The following BRD3 variants were observed in gnomAD, a reference collection of about 807,000 sequenced individuals.
The protein encoded by BRD3 is bromodomain containing 3, also known as bromodomain-containing protein 3.
BRD3 carries 17 observed loss-of-function variants against 66.8 expected under a neutral mutation model. The observed-to-expected ratio is 0.25, with a 90% CI of 0.17 to 0.38. The LOEUF (loss-of-function observed/expected upper bound fraction) is 0.38. BRD3 is among the 10% of genes least tolerant of loss of function. The pLI, the probability that BRD3 is intolerant of heterozygous loss-of-function variation, is 1.00. For synonymous variants in BRD3, 421 were observed against 393.2 expected (o/e 1.07, Z -0.84); for missense variants, 713 against 956.1 (o/e 0.75, Z 3.35).
At position 134,033,611 on chromosome 9, in the gene BRD3, A is replaced by T. The variant is rs1420361764; in HGVS notation, c.2160T>A (p.Ser720=). Reference sequence around the variant, plus strand: ...CAGTTCATTCTGAGTCACTGCTGTCAGAGCTGGACCCGCTGGAGCTGCTGC... The same window carrying T: ...CAGTTCATTCTGAGTCACTGCTGTCTGAGCTGGACCCGCTGGAGCTGCTGC... ...SGSSSSSGSS[S]DSSDSE The change falls in exon 12 of 12, where the codon TCT becomes TCA. Residue 720 remains serine, a synonymous_variant. Coordinates refer to ENST00000303407, the MANE Select transcript of BRD3 (RefSeq NM_007371.4). This position sits in a 1 kb window ranked among gnomAD's most constrained non-coding sequence, Gnocchi z 5.1. The T allele has an allele frequency of 3.9e-6, 3 of 770,094 alleles. No homozygotes were observed. The highest frequency in any genetic ancestry group is 7.3e-6 in the Non-Finnish European group (3 of 412,484). 47.7% of individuals were successfully genotyped at this position (770,094 alleles called of 1,614,324 possible).
chr9:134,041,303 G>C (rs997368941), intron 8 of BRD3, among the ~76,000 whole-genome samples: 1 of 152,236 alleles, frequency 6.6e-6, no homozygotes, highest in Admixed American at 6.5e-5. Flanking sequence ...GAGGAAAGCA[G>C]AGAAGGGGGA....
At chr9:134,042,032 G>A (rs1830060401) in intron 7 of BRD3, 81 bp from the exon 8 acceptor site, 6 of 1,412,238 alleles carry the variant, frequency 4.2e-6, no homozygotes, top group South Asian at 1.5e-5. Flanking sequence ...GGTTTCTGAG[G>A]TGCCCCTGAG....
intron 1 of BRD3, among the ~76,000 whole-genome samples, chr9:134,055,615 G>T (rs983334109): frequency 1.3e-5 from 2 of 152,184 alleles, no homozygotes; most frequent in African/African-American, 4.8e-5. Context: ...ACGCAGCTCC[G>T]CTGAGACTGC....
intron 1 of BRD3, among the ~76,000 whole-genome samples, chr9:134,066,716 C>T (rs1830665904): frequency 6.6e-6 from 1 of 152,238 alleles, no homozygotes; most frequent in Admixed American, 6.5e-5. Flanking sequence ...GCAGTTCCAG[C>T]CCAATTACTC....
chr9:134,052,231 A>G (rs1369833640), intron 3 of BRD3, 75 bp downstream of exon 3: 1 of 1,557,456 alleles, frequency 6.4e-7, no homozygotes, highest in Non-Finnish European at 8.7e-7. Context: ...GCTGCTGCAA[A>G]GCGCCCAGGC....
At chr9:134,046,272 C>G (rs1055661814) in intron 6 of BRD3, among the ~76,000 whole-genome samples, 3 of 152,232 alleles carry the variant, frequency 2.0e-5, no homozygotes, top group African/African-American at 7.2e-5. Context: ...TGGGAACACA[C>G]TAGTTGGGGC....
At position 134,045,300 on chromosome 9, in the gene BRD3, T is replaced by C. The variant is rs1830144298; in HGVS notation, c.1208A>G (p.Lys403Arg). The change falls in exon 7 of 12, where the codon AAG (lysine) becomes AGG (arginine). Residue 403 changes from lysine to arginine, a missense_variant. Transcript: ENST00000303407. This position sits in a 1 kb window ranked among gnomAD's most constrained non-coding sequence, Gnocchi z 4.8. ...TGCCCAGCCTCGGGTTACCTGGAGC[T>C]TCCGGGCCATGGCCACAACCTCGTG... ...PDHEVVAMAR[K>R]LQDVFEMRFA... The C allele has an allele frequency of 6.2e-7, 1 of 1,613,384 alleles. No homozygotes were observed. Among genetic ancestry groups the C allele is most frequent in the Non-Finnish European group, 8.5e-7 (1 of 1,180,002 alleles).
At chr9:134,051,890 T>TGTGTGTGTGTGTGTA (rs1564555926) in intron 3 of BRD3, among the ~76,000 whole-genome samples, 181 bp from the exon 4 acceptor site, 1 of 89,886 alleles carries the variant, frequency 1.1e-5, no homozygotes, top group African/African-American at 6.3e-5. Context: ...GTTTTTTTTG[T>TGTGTGTGTGTGTGTA]TTTTTTTTTT....
intron 1 of BRD3, among the ~76,000 whole-genome samples, chr9:134,059,591 C>T (rs894299396): frequency 6.6e-6 from 1 of 152,270 alleles, no homozygotes; most frequent in African/African-American, 2.4e-5. Flanking sequence ...TGGGGGTAAA[C>T]CCTTGCTCCT....
Position 134,032,215 on chromosome 9 carries a change from T to C in BRD3, c.*1375A>G, listed in dbSNP as rs1472823114. The C allele has an allele frequency of 4.7e-6, 1 of 214,808 alleles. No individual in the cohort carries two copies. The highest frequency in any genetic ancestry group is 9.4e-6 in the Non-Finnish European group (1 of 106,710). The allele number at this position is 214,808 out of a possible 1,614,324, so 13.3% of individuals were successfully genotyped here. A position where few individuals can be genotyped will look rare whatever the true frequency, so the allele number is the denominator to read the frequency against. On this transcript the variant is annotated 3_prime_UTR_variant, in exon 12 of 12. Transcript: ENST00000303407. ...ACCTTCTATTAAACTCTGTATATTA[T>C]TATTTTTTACAATAGAAAGTTAAAA...
At position 134,030,991 on chromosome 9, in the gene BRD3, G is replaced by C. The variant is rs575758705; in HGVS notation, c.*2599C>G. The C allele has an allele frequency of 2.6e-5, 6 of 230,864 alleles. No individual in the cohort carries two copies. Among genetic ancestry groups the C allele is most frequent in the African/African-American group, 1.3e-4 (6 of 45,304 alleles). The allele number at this position is 230,864 out of a possible 1,614,324, so 14.3% of individuals were successfully genotyped here. A position where few individuals can be genotyped will look rare whatever the true frequency, so the allele number is the denominator to read the frequency against. On this transcript the variant is annotated 3_prime_UTR_variant, in exon 12 of 12. Transcript: ENST00000303407. The stretch of plus-strand genomic sequence containing the variant: ...GCCTTCTAATACAGAAGAAACGGAC[G>C]TGACTGTCACCCTCAGCCCGCCAGC...
rs1272309650 is a variant in BRD3, at chr9:134,048,146, C to T, written c.1023G>A (p.Glu341=). Residue 341 remains glutamate (E), a synonymous_variant, in exon 6 of 12, where the codon GAG becomes GAA. Coordinates refer to ENST00000303407, the MANE Select transcript of BRD3 (RefSeq NM_007371.4). The part of the protein sequence containing the change: ...AWPFYKPVDA[E]ALELHDYHDI... ...CGTGGTAGTCGTGCAGCTCCAGGGCCTCGGCATCCACTGGCTTGTAGAAGG... is the reference window on the plus strand; with the variant it reads ...CGTGGTAGTCGTGCAGCTCCAGGGCTTCGGCATCCACTGGCTTGTAGAAGG... The T allele has an allele frequency of 1.2e-6, 2 of 1,608,930 alleles. No individual in the cohort carries two copies. Among genetic ancestry groups the T allele is most frequent in the Non-Finnish European group, 1.7e-6 (2 of 1,178,038 alleles).
At chr9:134,061,274 C>T (rs1471345820) in intron 1 of BRD3, among the ~76,000 whole-genome samples, 1 of 152,260 alleles carries the variant, frequency 6.6e-6, no homozygotes, top group African/African-American at 2.4e-5. Flanking sequence ...ATGGGGGCAT[C>T]TCCAGCCTGG....
Position 134,033,037 on chromosome 9 carries a change from A to C in BRD3, c.*553T>G. The stretch of plus-strand genomic sequence containing the variant: ...CTCCACGCTCCGGGCTGGGGCTGCG[A>C]TGACCCTTCGCTTAGGCCCAGCCTG... On this transcript the variant is annotated 3_prime_UTR_variant, in exon 12 of 12. Coordinates refer to ENST00000303407, the MANE Select transcript of BRD3 (RefSeq NM_007371.4). The surrounding 1 kb of genome is among the most constrained non-coding windows in gnomAD (Gnocchi z 5.1). 5.0e-6 allele frequency: 2 copies of C among 398,110 alleles called. No individual in the cohort carries two copies. Among genetic ancestry groups the C allele is most frequent in the Non-Finnish European group, 8.8e-6 (2 of 226,120 alleles). 24.7% of individuals were successfully genotyped at this position (398,110 alleles called of 1,614,324 possible). A position where few individuals can be genotyped will look rare whatever the true frequency, so the allele number is the denominator to read the frequency against.
upstream of BRD3, chr9:134,068,041 C>G (rs975253769): frequency 1.5e-4 from 22 of 145,114 alleles, no homozygotes; most frequent in South Asian, 4.2e-3. Context: ...GCGCCGGAGC[C>G]GAGCAGGGCT....
At chr9:134,040,742 T>C (rs1398607148) in intron 8 of BRD3, among the ~76,000 whole-genome samples, 5 of 152,166 alleles carry the variant, frequency 3.3e-5, no homozygotes, top group African/African-American at 1.2e-4. Context: ...TCTCTAGAAG[T>C]TTAAATGCCC....
At position 134,031,175 on chromosome 9, in the gene BRD3, G is replaced by A. The variant is rs1588266669; in HGVS notation, c.*2415C>T. 13 of 224,788 alleles carry A rather than the reference G, an allele frequency of 5.8e-5. No individual in the cohort carries two copies. The East Asian group carries it at 8.3e-4, about 14-fold the overall frequency. The allele number at this position is 224,788 out of a possible 1,614,324, so 13.9% of individuals were successfully genotyped here. On this transcript the variant is annotated 3_prime_UTR_variant, in exon 12 of 12. Coordinates refer to ENST00000303407, the MANE Select transcript of BRD3 (RefSeq NM_007371.4). ...AGTGGCTTCTTTCTAGATGAAAGGAGCAGAGGCGAGCCGACGCCACCGTCA... is the reference window on the plus strand; with the variant it reads ...AGTGGCTTCTTTCTAGATGAAAGGAACAGAGGCGAGCCGACGCCACCGTCA...
At chr9:134,043,338 A>G (rs1187525402) in intron 7 of BRD3, among the ~76,000 whole-genome samples, 5 of 152,254 alleles carry the variant, frequency 3.3e-5, no homozygotes, top group Non-Finnish European at 7.3e-5. Context: ...CCCTCTCAGC[A>G]AACATCCCCC....
rs1257825711 is a variant in BRD3 at position 134,032,203 on chromosome 9, C to CT, written c.*1386dup. The CT allele has an allele frequency of 4.6e-6, 1 of 215,092 alleles. No individual in the cohort carries two copies. Among genetic ancestry groups the CT allele is most frequent in the Admixed American group, 5.8e-5 (1 of 17,120 alleles). 13.3% of individuals were successfully genotyped at this position (215,092 alleles called of 1,614,324 possible). ...AACCAAAACATCACCTTCTATTAAA[C>CT]TCTGTATATTATTATTTTTTACAAT... On this transcript the variant is annotated 3_prime_UTR_variant, in exon 12 of 12. Coordinates refer to ENST00000303407, the MANE Select transcript of BRD3 (RefSeq NM_007371.4).
Sources: allele counts gnomAD v4.1 joint callset (sites outside exome capture counted in the v4.1 genomes callset), GRCh38; gene constraint gnomAD v4.1.1; non-coding constraint Gnocchi (gnomAD v3.1); transcripts MANE v1.5; gene names NCBI Gene and HGNC (gene_info 2026-07-23, HGNC 2026-07-21).